The following PTPRR variants were observed in gnomAD, a reference collection of about 807,000 sequenced individuals.
PTPRR encodes protein tyrosine phosphatase receptor type R.
In PTPRR, 38 loss-of-function variants were observed where a neutral mutation model predicts 77.2. That is an observed-to-expected ratio of 0.49 (90% confidence interval 0.38 to 0.65). The LOEUF (loss-of-function observed/expected upper bound fraction) is 0.65. Among genes scored for constraint, PTPRR ranks in the 30% least tolerant of loss-of-function variants. The probability of loss-of-function intolerance (pLI) is 0.00; values close to 1 mark genes in which losing one functional copy is unlikely to be tolerated. For synonymous variants in PTPRR, 299 were observed against 283.1 expected, an observed-to-expected ratio of 1.06 and a Z score of -0.57; for missense variants, 744 against 799.2, an observed-to-expected ratio of 0.93 and a Z score of 0.83.
intron 13 of PTPRR, among the ~76,000 whole-genome samples, chr12:70,646,956 GAA>G (rs1886222913): frequency 6.6e-6 from 1 of 150,952 alleles, no homozygotes; most frequent in South Asian, 2.1e-4. Context: ...AAAAAAAAAA[GAA>G]AAGAAAATCA....
intron 10 of PTPRR, among the ~76,000 whole-genome samples, chr12:70,668,876 A>G (rs975862717): frequency 6.6e-6 from 1 of 152,224 alleles, no homozygotes; most frequent in Non-Finnish European, 1.5e-5. Context: ...GTCAATATTT[A>G]TATTTCCAAA....
chr12:70,691,462 C>A (rs1301287469), intron 8 of PTPRR, among the ~76,000 whole-genome samples: 2 of 152,150 alleles, frequency 1.3e-5, no homozygotes, highest in Non-Finnish European at 2.9e-5. Flanking sequence ...CTCTTTTATC[C>A]TCACTTGATA....
intron 6 of PTPRR, among the ~76,000 whole-genome samples, chr12:70,737,808 C>A (rs143258581): frequency 4.0e-4 from 61 of 152,310 alleles, no homozygotes; most frequent in African/African-American, 1.3e-3. Context: ...CAGGCGTGAG[C>A]CACCATTTGC....
Position 70,661,192 on chromosome 12 carries a change from T to C in PTPRR, c.1609-95A>G. 4 of 1,489,276 alleles carry C rather than the reference T, an allele frequency of 2.7e-6. No individual in the cohort carries two copies. In the South Asian group the frequency reaches 3.6e-5, roughly 14 times the overall value. 92.3% of individuals were successfully genotyped at this position (1,489,276 alleles called of 1,614,324 possible). A position where few individuals can be genotyped will look rare whatever the true frequency, so the allele number is the denominator to read the frequency against. On this transcript the variant is annotated intron_variant, in intron 11 of 13. Coordinates refer to ENST00000283228, the MANE Select transcript of PTPRR (RefSeq NM_002849.4). Reference sequence around the variant, plus strand: ...TGAATGCCTTTTATCACCCCCATCTTGCTGGCAATTTATTTCTAGGTGGGA... The same window carrying C: ...TGAATGCCTTTTATCACCCCCATCTCGCTGGCAATTTATTTCTAGGTGGGA...
At chr12:70,764,302 A>G (rs1243416745) in intron 3 of PTPRR, among the ~76,000 whole-genome samples, 3 of 152,124 alleles carry the variant, frequency 2.0e-5, no homozygotes, top group African/African-American at 7.2e-5. Context: ...AATGGAGAAT[A>G]TTTTCGGAGT....
At position 70,898,593 on chromosome 12, in the gene PTPRR, A is replaced by G. The variant is rs569046805; in HGVS notation, c.59-5616T>C. 1.1e-4 allele frequency among the ~76,000 whole-genome samples: 17 copies of G among 149,868 alleles called. No individual in the cohort carries two copies. The South Asian group carries it at 1.9e-3, about 17-fold the overall frequency. On this transcript the variant is annotated intron_variant, in intron 1 of 13. Transcript: ENST00000283228. ...TATGTATATACATATATATAACATG[A>G]TTTGTGGGATGCAGTTGAAACAGTG... is the stretch of plus-strand genomic sequence containing the variant.
At chr12:70,772,677 G>C in intron 2 of PTPRR, among the ~76,000 whole-genome samples, 1 of 151,930 alleles carries the variant, frequency 6.6e-6, no homozygotes, top group Non-Finnish European at 1.5e-5. Flanking sequence ...GTTAATTTAG[G>C]TTAACTGGAC....
At chr12:70,841,256 A>T (rs1342293075) in intron 2 of PTPRR, among the ~76,000 whole-genome samples, 1 of 152,152 alleles carries the variant, frequency 6.6e-6, no homozygotes, top group Non-Finnish European at 1.5e-5. Context: ...TCACCTGTGA[A>T]TCAGCAAGAA....
At chr12:70,684,397 G>A in intron 9 of PTPRR, 133 bp from the exon 10 acceptor site, 2 of 940,832 alleles carry the variant, frequency 2.1e-6, no homozygotes, top group Admixed American at 2.7e-5. Context: ...ACTGACTCTA[G>A]TACAACAATT....
chr12:70,689,314 T>A (rs1887978141), intron 8 of PTPRR, among the ~76,000 whole-genome samples: 1 of 152,120 alleles, frequency 6.6e-6, no homozygotes, highest in Non-Finnish European at 1.5e-5. Flanking sequence ...AACTGTTATT[T>A]TCAATTAAAA....
intron 2 of PTPRR, among the ~76,000 whole-genome samples, chr12:70,889,466 A>G (rs1179875180): frequency 1.3e-5 from 2 of 152,230 alleles, no homozygotes; most frequent in African/African-American, 4.8e-5. Context: ...ACCCATAGCT[A>G]TCACACGTTT....
chr12:70,760,052 G>A (rs1035686036), intron 4 of PTPRR, among the ~76,000 whole-genome samples: 1 of 152,150 alleles, frequency 6.6e-6, no homozygotes, highest in Non-Finnish European at 1.5e-5. Flanking sequence ...ACCAGTTGGG[G>A]GTGGTTGTGA....
intron 1 of PTPRR, among the ~76,000 whole-genome samples, chr12:70,908,245 T>C (rs1893651151): frequency 6.6e-6 from 1 of 152,152 alleles, no homozygotes; most frequent in East Asian, 1.9e-4. Flanking sequence ...CTCACCATAG[T>C]AATGATACTA....
chr12:70,804,238 T>C (rs536163567), intron 2 of PTPRR, among the ~76,000 whole-genome samples: 17 of 151,694 alleles, frequency 1.1e-4, no homozygotes, highest in Admixed American at 9.2e-4. Context: ...TTAGGTTGGT[T>C]AGCTGGCTAT....
intron 10 of PTPRR, among the ~76,000 whole-genome samples, chr12:70,669,472 C>A (rs1017152650): frequency 4.7e-5 from 7 of 149,092 alleles, no homozygotes; most frequent in Non-Finnish European, 7.4e-5. Flanking sequence ...TATATACACA[C>A]AAGCTATGTG....
rs78556023 is a variant in PTPRR at position 70,708,299 on chromosome 12, A to G, written c.1008-6976T>C. Among the ~76,000 whole-genome samples the G allele has an allele frequency of 5.3e-3, 807 of 152,218 alleles. 8 individuals carry two copies. Among genetic ancestry groups the G allele is most frequent in the African/African-American group, 0.018 (741 of 41,544 alleles). On this transcript the variant is annotated intron_variant, in intron 6 of 13. Coordinates refer to ENST00000283228, the MANE Select transcript of PTPRR (RefSeq NM_002849.4). Reference sequence around the variant, plus strand: ...AATGAATTGGTTAGGGGGATGCTATATGTAATTACTGTGCTTTGACGGTTT... The same window carrying G: ...AATGAATTGGTTAGGGGGATGCTATGTGTAATTACTGTGCTTTGACGGTTT...
At chr12:70,679,922 C>G (rs538465269) in intron 10 of PTPRR, among the ~76,000 whole-genome samples, 3 of 152,198 alleles carry the variant, frequency 2.0e-5, no homozygotes, top group African/African-American at 7.2e-5. Flanking sequence ...AGAACTTACT[C>G]CTGCCATTTT....
intron 6 of PTPRR, among the ~76,000 whole-genome samples, chr12:70,718,456 G>A (rs1418493592): frequency 2.6e-5 from 4 of 151,982 alleles, no homozygotes; most frequent in African/African-American, 4.8e-5. Context: ...TAGTAGAGAC[G>A]GGGTTTCACC....
chr12:70,720,773 C>T (rs1889222250), intron 6 of PTPRR, among the ~76,000 whole-genome samples: 1 of 152,154 alleles, frequency 6.6e-6, no homozygotes, highest in Admixed American at 6.5e-5. Context: ...TGAGCCACCA[C>T]ACCTGGCTCA....
Sources: allele counts gnomAD v4.1 joint callset (sites outside exome capture counted in the v4.1 genomes callset), GRCh38; gene constraint gnomAD v4.1.1; transcripts MANE v1.5; gene names NCBI Gene and HGNC (gene_info 2026-07-23, HGNC 2026-07-21).